The following TANGO6 variants were observed in gnomAD, a reference collection of about 807,000 sequenced individuals.
TANGO6 encodes the protein transport and Golgi organization protein 6 homolog.
In TANGO6, 90 loss-of-function variants were observed where a neutral mutation model predicts 114.2. That is an observed-to-expected ratio of 0.79 (90% CI 0.66 to 0.94). The LOEUF is 0.94. Ranked by LOEUF, TANGO6 falls within the 40% of genes least tolerant of loss-of-function variation. The pLI is 0.00. For synonymous variants in TANGO6, 477 were observed against 509.8 expected, an observed-to-expected ratio of 0.94 and a Z score of 0.87; for missense variants, 1,274 against 1,315.3, an observed-to-expected ratio of 0.97 and a Z score of 0.49.
At chr16:68,937,311 G>C (rs934431477) in intron 14 of TANGO6, 2 of 152,176 alleles carry the variant, frequency 1.3e-5, no homozygotes, top group Non-Finnish European at 2.9e-5. Context: ...AGCATTTAGA[G>C]AATGTCTCTC....
At chr16:68,990,245 T>A (rs1175301752) in intron 15 of TANGO6, among the ~76,000 whole-genome samples, 1 of 152,088 alleles carries the variant, frequency 6.6e-6, no homozygotes, top group East Asian at 1.9e-4. Flanking sequence ...CGAGACTGGG[T>A]AATTTATAAA....
chr16:68,843,768 T>C, intron 1 of TANGO6, 57 bp downstream of exon 1: 1 of 1,562,042 alleles, frequency 6.4e-7, no homozygotes, highest in Non-Finnish European at 8.8e-7. Context: ...GCCGCCCGGC[T>C]TCCGGGGCTG....
chr16:68,949,610 ACT>A (rs1330825169), intron 14 of TANGO6, among the ~76,000 whole-genome samples: 1 of 151,686 alleles, frequency 6.6e-6, no homozygotes, highest in African/African-American at 2.4e-5. Context: ...GATGAGCGAA[ACT>A]CTGTCTCAAA....
chr16:68,959,232 C>T (rs1006231309), intron 14 of TANGO6, among the ~76,000 whole-genome samples: 1 of 152,162 alleles, frequency 6.6e-6, no homozygotes, highest in Admixed American at 6.5e-5. Context: ...CCACTGCTAG[C>T]CTGGAGCACC....
intron 7 of TANGO6, among the ~76,000 whole-genome samples, chr16:68,897,105 G>A (rs1411449626): frequency 6.6e-6 from 1 of 152,006 alleles, no homozygotes; most frequent in Non-Finnish European, 1.5e-5. Flanking sequence ...GTTTCACCAT[G>A]TTGGCCAGGC....
intron 4 of TANGO6, among the ~76,000 whole-genome samples, chr16:68,872,150 G>C (rs901716618): frequency 1.3e-5 from 2 of 151,702 alleles, no homozygotes; most frequent in Non-Finnish European, 2.9e-5. Context: ...GAACCTGGGA[G>C]GTGGAGGTTT....
At chr16:69,068,357 T>C (rs143701700) in intron 17 of TANGO6, among the ~76,000 whole-genome samples, 189 of 152,190 alleles carry the variant, frequency 1.2e-3, no homozygotes, top group African/African-American at 4.3e-3. Context: ...TAGTGATTAA[T>C]AAAGAACACT....
intron 14 of TANGO6, among the ~76,000 whole-genome samples, chr16:68,943,670 A>T (rs1963381960): frequency 6.7e-6 from 1 of 149,336 alleles, no homozygotes. Flanking sequence ...CGGCCAAGAT[A>T]TTTTTTTTTT....
intron 9 of TANGO6, among the ~76,000 whole-genome samples, chr16:68,903,615 CAAA>C (rs1175415785): frequency 5.1e-5 from 3 of 59,248 alleles, no homozygotes; most frequent in African/African-American, 6.3e-5. Flanking sequence ...GAGACCATCT[CAAA>C]AAAAAAAAAA....
At chr16:68,875,417 G>A (rs970419211) in intron 5 of TANGO6, 127 bp downstream of exon 5, 45 of 1,162,118 alleles carry the variant, frequency 3.9e-5, no homozygotes, top group Non-Finnish European at 5.0e-5. Context: ...TTAGTGAGGA[G>A]CCTTCTTAAT....
chr16:68,941,970 C>A (rs1194451026), intron 14 of TANGO6, among the ~76,000 whole-genome samples: 1 of 151,994 alleles, frequency 6.6e-6, no homozygotes, highest in Non-Finnish European at 1.5e-5. Context: ...GGAAAAAAAA[C>A]AGAATTACAG....
chr16:69,063,786 T>TCTC (rs1960168534), intron 17 of TANGO6, among the ~76,000 whole-genome samples: 1 of 110,582 alleles, frequency 9.0e-6, no homozygotes, highest in Non-Finnish European at 1.7e-5. Flanking sequence ...ATACTTTTCT[T>TCTC]CTTCTTCTTC....
At chr16:68,991,851 G>A (rs1039321324) in intron 15 of TANGO6, among the ~76,000 whole-genome samples, 1 of 152,052 alleles carries the variant, frequency 6.6e-6, no homozygotes, top group African/African-American at 2.4e-5. Context: ...AGAAAGGAGA[G>A]CCTGGAGCCG....
intron 12 of TANGO6, among the ~76,000 whole-genome samples, chr16:68,921,512 T>G (rs1478730202): frequency 3.3e-5 from 5 of 151,914 alleles, no homozygotes; most frequent in Admixed American, 1.3e-4. Context: ...TCTTATTGGA[T>G]TTAGTTGGCC....
At chr16:69,081,131 C>A (rs1960458987) in intron 17 of TANGO6, among the ~76,000 whole-genome samples, 1 of 152,042 alleles carries the variant, frequency 6.6e-6, no homozygotes, top group Non-Finnish European at 1.5e-5. Flanking sequence ...GAGCACAATT[C>A]CGTCCCAAAA....
chr16:68,970,642 G>A (rs1287910690), intron 14 of TANGO6, among the ~76,000 whole-genome samples: 1 of 143,284 alleles, frequency 7.0e-6, no homozygotes, highest in Non-Finnish European at 1.5e-5. Flanking sequence ...ACTCCAGCCT[G>A]GGCAACAAGA....
intron 15 of TANGO6, among the ~76,000 whole-genome samples, chr16:69,014,081 A>T (rs974891871): frequency 6.6e-6 from 1 of 152,208 alleles, no homozygotes; most frequent in African/African-American, 2.4e-5. Context: ...ATATATCAGG[A>T]TGCTTTTGGC....
At chr16:69,052,289 G>C (rs1301921945) in intron 17 of TANGO6, among the ~76,000 whole-genome samples, 1 of 132,320 alleles carries the variant, frequency 7.6e-6, no homozygotes, top group African/African-American at 2.9e-5. Context: ...TTTTTTTGGA[G>C]ACAGGGTCTT....
At chr16:68,884,113 T>A (rs1962504600) in intron 7 of TANGO6, among the ~76,000 whole-genome samples, 1 of 152,120 alleles carries the variant, frequency 6.6e-6, no homozygotes, top group Admixed American at 6.6e-5. Context: ...TTTCACCATG[T>A]TTGCCAAGCT....
Sources: gnomAD v4.1 joint callset for allele counts (sites outside exome capture counted in the v4.1 genomes callset) on GRCh38, gnomAD v4.1.1 for gene constraint, MANE v1.5 for transcripts, NCBI Gene and HGNC (gene_info 2026-07-23, HGNC 2026-07-21) for gene names.